Variants in CAST observed in about 807,000 individuals in gnomAD.
CAST encodes calpastatin.
In CAST, 76 loss-of-function variants were observed where a neutral mutation model predicts 119.6. That is an observed-to-expected ratio of 0.64 (90% CI 0.53 to 0.77). CAST has a LOEUF of 0.77. Ranked by LOEUF, CAST falls within the 30% of genes least tolerant of loss-of-function variation. The pLI is 0.00. For synonymous variants in CAST, 319 were observed against 331.6 expected, an observed-to-expected ratio of 0.96 and a Z score of 0.41; for missense variants, 953 against 946.5, an observed-to-expected ratio of 1.01 and a Z score of -0.09.
intron 1 of CAST, among the ~76,000 whole-genome samples, chr5:96,655,943 T>C (rs1748152389): frequency 6.6e-6 from 1 of 152,226 alleles, no homozygotes; most frequent in Non-Finnish European, 1.5e-5. Context: ...CAGACTGTAA[T>C]AAACATGAAC....
chr5:96,358,231 A>T, the CAST span, among the ~76,000 whole-genome samples: 3 of 151,818 alleles, frequency 2.0e-5, no homozygotes, highest in African/African-American at 7.3e-5. Context: ...TTTCTTCTTT[A>T]TTAATCTGGC....
chr5:96,592,560 C>T (rs1184407569), intron 1 of CAST, among the ~76,000 whole-genome samples: 1 of 152,134 alleles, frequency 6.6e-6, no homozygotes, highest in Admixed American at 6.5e-5. Flanking sequence ...GTTTTAGCTT[C>T]TCTCTTATAG....
intron 1 of CAST, among the ~76,000 whole-genome samples, chr5:96,608,865 T>C (rs1005382210): frequency 5.3e-5 from 8 of 152,086 alleles, no homozygotes; most frequent in Non-Finnish European, 8.8e-5. Context: ...TACACACTTT[T>C]AAACAAGCAG....
At chr5:96,743,549 T>A in intron 16 of CAST, 1 of 1,548,538 alleles carries the variant, frequency 6.5e-7, no homozygotes, top group Non-Finnish European at 8.7e-7. Flanking sequence ...TGTCACTTCC[T>A]GTTCTGAGTC....
At chr5:96,330,222 A>AT in the CAST span, among the ~76,000 whole-genome samples, 11 of 152,246 alleles carry the variant, frequency 7.2e-5, no homozygotes, top group Non-Finnish European at 1.3e-4. Flanking sequence ...TAAAAAGACC[A>AT]TTTACAAAGA....
chr5:96,172,969 C>T, the CAST span, among the ~76,000 whole-genome samples: 13 of 152,236 alleles, frequency 8.5e-5, no homozygotes, highest in Non-Finnish European at 1.5e-4. Flanking sequence ...ACATATGCCA[C>T]TATGCTCATG....
At position 96,740,099 on chromosome 5, in the gene CAST, A is replaced by T. The variant is rs373296818; in HGVS notation, c.860A>T (p.Lys287Ile). The change falls in exon 12 of 32, where the codon AAA becomes ATA. Residue 287 changes from lysine to isoleucine, a missense_variant. By Grantham distance (102) the Lys-to-Ile change is moderately radical. Transcript: ENST00000675179. ...LGKREVTIPP[K>I]YRELLAKKEG... ...AAAAGAGAAGTCACAATTCCTCCAA[A>T]ATATAGGGAACTATTGGCTGTAAGT... The T allele has an allele frequency of 5.9e-6, 9 of 1,523,330 alleles. No individual in the cohort carries two copies. The highest frequency in any genetic ancestry group is 8.1e-6 in the Non-Finnish European group (9 of 1,106,284). The allele number at this position is 1,523,330 out of a possible 1,614,324, so 94.4% of individuals were successfully genotyped here.
chr5:96,314,136 C>A, the CAST span, among the ~76,000 whole-genome samples: 1 of 152,180 alleles, frequency 6.6e-6, no homozygotes, highest in Admixed American at 6.5e-5. Context: ...TTGCTCATTT[C>A]TTCACACAGT....
chr5:96,561,974 A>C (rs938439213), intron 1 of CAST, among the ~76,000 whole-genome samples: 1 of 149,120 alleles, frequency 6.7e-6, no homozygotes, highest in Non-Finnish European at 1.5e-5. Context: ...TTGTATTTTT[A>C]GTAGAGACGG....
the CAST span, among the ~76,000 whole-genome samples, chr5:96,401,660 T>G: frequency 6.6e-6 from 1 of 152,304 alleles, no homozygotes; most frequent in Non-Finnish European, 1.5e-5. Context: ...CGAGCTCTTT[T>G]ATTCTGCTAT....
the CAST span, among the ~76,000 whole-genome samples, chr5:95,962,948 A>G: frequency 1.3e-5 from 2 of 152,168 alleles, no homozygotes; most frequent in African/African-American, 4.8e-5. Flanking sequence ...CATTCCATCC[A>G]CAGGATGCTT....
At chr5:96,300,148 T>C in the CAST span, among the ~76,000 whole-genome samples, 1 of 152,186 alleles carries the variant, frequency 6.6e-6, no homozygotes, top group African/African-American at 2.4e-5. Flanking sequence ...GTTGCCTATA[T>C]TTTTGGGGTC....
chr5:95,961,843 T>C, the CAST span: 1 of 1,282,018 alleles, frequency 7.8e-7, no homozygotes, highest in Admixed American at 3.3e-5. Context: ...TGACGTACTG[T>C]CATATACTGC....
intron 27 of CAST, among the ~76,000 whole-genome samples, chr5:96,766,414 T>G (rs933622447): frequency 6.6e-6 from 1 of 152,178 alleles, no homozygotes; most frequent in Admixed American, 6.5e-5. Flanking sequence ...CCAAGAAATG[T>G]GATTCTCTCT....
the CAST span, among the ~76,000 whole-genome samples, chr5:96,023,015 A>G: frequency 6.6e-6 from 1 of 152,208 alleles, no homozygotes; most frequent in Non-Finnish European, 1.5e-5. Flanking sequence ...ATTAACTAAC[A>G]ATCATGGTTA....
chr5:96,485,710 G>C, the CAST span, among the ~76,000 whole-genome samples: 1 of 152,102 alleles, frequency 6.6e-6, no homozygotes, highest in African/African-American at 2.4e-5. Context: ...TTTATTTGTT[G>C]CCTACCCAAA....
the CAST span, among the ~76,000 whole-genome samples, chr5:95,982,298 T>C: frequency 2.0e-5 from 3 of 151,914 alleles, no homozygotes; most frequent in Non-Finnish European, 4.4e-5. Context: ...CACCATTTTC[T>C]ACTTGTATTC....
At chr5:96,089,135 C>T in the CAST span, among the ~76,000 whole-genome samples, 13 of 147,652 alleles carry the variant, frequency 8.8e-5, no homozygotes, top group Middle Eastern at 3.5e-3. Context: ...TTCCCCTCTT[C>T]GCACTGAAGG....
At chr5:96,380,926 G>A in the CAST span, among the ~76,000 whole-genome samples, 8 of 152,204 alleles carry the variant, frequency 5.3e-5, no homozygotes, top group East Asian at 1.9e-4. Context: ...TAGGAGAGCC[G>A]AAAAAGTTTA....
Sources: gnomAD v4.1 joint callset for allele counts (sites outside exome capture counted in the v4.1 genomes callset) on GRCh38, gnomAD v4.1.1 for gene constraint, MANE v1.5 for transcripts, NCBI Gene and HGNC (gene_info 2026-07-23, HGNC 2026-07-21) for gene names.